The following NELL2 variants were observed in gnomAD, a reference collection of about 807,000 sequenced individuals.
NELL2 encodes neural EGFL like 2, also known as protein kinase C-binding protein NELL2.
A neutral mutation model predicts 109.6 loss-of-function variants in NELL2; 41 were observed. That is an observed-to-expected ratio of 0.37 (90% CI 0.29 to 0.49). NELL2 has a LOEUF of 0.49. Ranked by LOEUF, NELL2 falls within the 20% of genes least tolerant of loss-of-function variation. The pLI is 0.98. For synonymous variants in NELL2, 355 were observed against 344.7 expected, an observed-to-expected ratio of 1.03 and a Z score of -0.33; for missense variants, 900 against 1,008.3, an observed-to-expected ratio of 0.89 and a Z score of 1.45.
chr12:44,733,308 G>A (rs78320893), intron 9 of NELL2, among the ~76,000 whole-genome samples: 1 of 152,046 alleles, frequency 6.6e-6, no homozygotes, highest in African/African-American at 2.4e-5. Context: ...AACAACCTAA[G>A]TGTCCACTGA....
At chr12:44,912,888 C>A (rs1289100437) in intron 1 of NELL2, among the ~76,000 whole-genome samples, 1 of 152,136 alleles carries the variant, frequency 6.6e-6, no homozygotes, top group Non-Finnish European at 1.5e-5. Flanking sequence ...TAAATCCTAG[C>A]TATTCCACTT....
intron 12 of NELL2, among the ~76,000 whole-genome samples, chr12:44,688,265 T>C (rs987179081): frequency 1.3e-5 from 2 of 152,200 alleles, no homozygotes; most frequent in African/African-American, 2.4e-5. Context: ...TTCATTATAA[T>C]TGGCTTCAAA....
intron 13 of NELL2, among the ~76,000 whole-genome samples, chr12:44,611,798 C>T (rs1179671512): frequency 6.6e-6 from 1 of 151,984 alleles, no homozygotes; most frequent in African/African-American, 2.4e-5. Context: ...TCTAGCTCAG[C>T]ATTCAGCAAA....
chr12:44,598,647 T>C (rs1945065398), intron 15 of NELL2, among the ~76,000 whole-genome samples: 1 of 152,090 alleles, frequency 6.6e-6, no homozygotes, highest in African/African-American at 2.4e-5. Context: ...TACATACACA[T>C]GGCTTAAAAA....
chr12:44,604,244 A>G (rs1200065349), intron 15 of NELL2, among the ~76,000 whole-genome samples: 1 of 151,972 alleles, frequency 6.6e-6, no homozygotes, highest in African/African-American at 2.4e-5. Flanking sequence ...GAGAGGAAGA[A>G]AGGGAGGGAA....
chr12:44,648,290 C>G (rs181322960), intron 13 of NELL2, among the ~76,000 whole-genome samples: 3 of 152,146 alleles, frequency 2.0e-5, no homozygotes, highest in African/African-American at 7.2e-5. Context: ...TCCTACTTCC[C>G]TTCTTCCTCC....
chr12:44,846,083 G>A (rs957391699), intron 2 of NELL2, among the ~76,000 whole-genome samples: 7 of 152,154 alleles, frequency 4.6e-5, no homozygotes, highest in Admixed American at 1.3e-4. Flanking sequence ...TAACCATATG[G>A]ACTAATGATT....
intron 3 of NELL2, among the ~76,000 whole-genome samples, chr12:44,811,886 T>C (rs1943191111): frequency 6.6e-6 from 1 of 151,952 alleles, no homozygotes; most frequent in Non-Finnish European, 1.5e-5. Flanking sequence ...TAGCTCAAGC[T>C]CTTGCTCTTG....
chr12:44,745,678 C>CAATG (rs1940301171), intron 9 of NELL2, among the ~76,000 whole-genome samples: 1 of 151,772 alleles, frequency 6.6e-6, no homozygotes, highest in African/African-American at 2.4e-5. Flanking sequence ...GCCAAATCTC[C>CAATG]AGTGAACTCC....
chr12:44,700,891 C>T (rs903586637), intron 12 of NELL2, among the ~76,000 whole-genome samples: 1 of 152,014 alleles, frequency 6.6e-6, no homozygotes, highest in African/African-American at 2.4e-5. Flanking sequence ...GAATGAACTC[C>T]AGTAGTTACC....
intron 12 of NELL2, among the ~76,000 whole-genome samples, chr12:44,692,701 C>A (rs1948938123): frequency 6.6e-6 from 1 of 151,952 alleles, no homozygotes; most frequent in Non-Finnish European, 1.5e-5. Flanking sequence ...TGATTCCAGC[C>A]CTCATAGATG....
At chr12:44,600,525 T>C (rs977912242) in intron 15 of NELL2, among the ~76,000 whole-genome samples, 2 of 152,240 alleles carry the variant, frequency 1.3e-5, no homozygotes, top group Non-Finnish European at 2.9e-5. Flanking sequence ...TTCTGATCAA[T>C]AGACGTTCAT....
At chr12:44,720,814 T>TAA (rs1938730551) in intron 9 of NELL2, among the ~76,000 whole-genome samples, 1 of 152,166 alleles carries the variant, frequency 6.6e-6, no homozygotes, top group South Asian at 2.1e-4. Context: ...AGTGAGATCT[T>TAA]GATAGTAGTT....
At chr12:44,841,521 C>G (rs909142456) in intron 2 of NELL2, among the ~76,000 whole-genome samples, 3 of 152,096 alleles carry the variant, frequency 2.0e-5, no homozygotes, top group African/African-American at 7.2e-5. Context: ...TAGCTATGAT[C>G]CTTGAAAGAA....
chr12:44,656,814 T>A (rs536397965), intron 13 of NELL2, among the ~76,000 whole-genome samples: 1 of 152,340 alleles, frequency 6.6e-6, no homozygotes, highest in South Asian at 2.1e-4. Context: ...TGTTCTGTAC[T>A]TGTGATTTTG....
At position 44,620,995 on chromosome 12, in the gene NELL2, C is replaced by A. The variant is rs143224649; in HGVS notation, c.1445-10025G>T. On this transcript the variant is annotated intron_variant, in intron 13 of 19. Transcript: ENST00000429094. ...TATTGGTGGCACACCATTGTTTTCA[C>A]TGGCCATCAAGGCACCACATCCTCA... Among the ~76,000 whole-genome samples, 174 of 152,302 alleles carry A rather than the reference C, an allele frequency of 1.1e-3. 1 individual carries two copies. Among genetic ancestry groups the A allele is most frequent in the African/African-American group, 3.8e-3 (159 of 41,570 alleles).
intron 9 of NELL2, among the ~76,000 whole-genome samples, chr12:44,721,651 AC>A (rs1484491809): frequency 6.6e-6 from 1 of 152,042 alleles, no homozygotes; most frequent in African/African-American, 2.4e-5. Context: ...CCATTTAGAC[AC>A]ATGTTGTTTT....
At chr12:44,556,526 G>C (rs1253961334) in intron 15 of NELL2, among the ~76,000 whole-genome samples, 1 of 152,178 alleles carries the variant, frequency 6.6e-6, no homozygotes, top group Non-Finnish European at 1.5e-5. Context: ...TGAGAAATCA[G>C]AGAAAGTGGG....
rs1944442945 is a variant in NELL2 at position 44,584,969 on chromosome 12, T to C, written c.1663+22200A>G. Among the ~76,000 whole-genome samples, 4 of 152,266 alleles carry C rather than the reference T, an allele frequency of 2.6e-5. No individual in the cohort carries two copies. In the South Asian group the frequency reaches 8.3e-4, roughly 31 times the overall value. On this transcript the variant is annotated intron_variant, in intron 15 of 19. Coordinates refer to ENST00000429094, the MANE Select transcript of NELL2 (RefSeq NM_001145108.2). ...TTCTAATGACCATTATTATGTCCTC[T>C]GATCCAGCTTGATAGGCCTTTGTGA... is the stretch of plus-strand genomic sequence containing the variant.
Sources: allele counts gnomAD v4.1 joint callset (sites outside exome capture counted in the v4.1 genomes callset), GRCh38; gene constraint gnomAD v4.1.1; transcripts MANE v1.5; gene names NCBI Gene and HGNC (gene_info 2026-07-23, HGNC 2026-07-21).